Variants in PAH observed in about 807,000 individuals in gnomAD.
PAH encodes phenylalanine-4-hydroxylase.
A neutral mutation model predicts 62.0 loss-of-function variants in PAH; 64 were observed. The ratio of observed to expected loss-of-function variants is 1.03; its 90% CI spans 0.84 to 1.27. The LOEUF (loss-of-function observed/expected upper bound fraction) is 1.27. PAH is among the 50% of genes most tolerant of loss of function. The pLI, the probability that PAH is intolerant of heterozygous loss-of-function variation, is 0.00. For missense variants in PAH, 579 were observed against 542.8 expected (o/e 1.07, Z -0.66); for synonymous variants, 195 against 196.2 (o/e 0.99, Z 0.05).
In PAH at chr12:102,837,960, A is replaced by G. The variant is rs1249964974; in HGVS notation, c.*1215T>C. Reference sequence around the variant, plus strand: ...AGGTACCCAGAATTTGCTGTTGATGATACTACAGCTGTTCTGAGAACTAAA... The same window carrying G: ...AGGTACCCAGAATTTGCTGTTGATGGTACTACAGCTGTTCTGAGAACTAAA... On this transcript the variant is annotated 3_prime_UTR_variant, in exon 13 of 13. Coordinates refer to ENST00000553106, the MANE Select transcript of PAH (RefSeq NM_000277.3). 6.6e-6 allele frequency: 1 copy of G among 152,262 alleles called. No individual in the cohort carries two copies. Among genetic ancestry groups the G allele is most frequent in the Non-Finnish European group, 1.5e-5 (1 of 68,050 alleles). 9.4% of individuals were successfully genotyped at this position (152,262 alleles called of 1,614,324 possible).
At chr12:102,876,842 G>A (rs1008639720) in intron 4 of PAH, among the ~76,000 whole-genome samples, 4 of 151,356 alleles carry the variant, frequency 2.6e-5, no homozygotes, top group Admixed American at 6.6e-5. Flanking sequence ...GGCCCAGTCC[G>A]TGTTCCTCTT....
chr12:102,858,167 G>T (rs1875531442), intron 5 of PAH, among the ~76,000 whole-genome samples: 1 of 152,074 alleles, frequency 6.6e-6, no homozygotes, highest in Admixed American at 6.6e-5. Context: ...AAAGGCAGGG[G>T]TTGCAATCCT....
At chr12:102,946,108 C>T (rs1268496575) in intron 1 of PAH, 1 of 152,280 alleles carries the variant, frequency 6.6e-6, no homozygotes, top group East Asian at 1.9e-4. Flanking sequence ...CCCTATTCTA[C>T]TGTAGCTGAG....
At chr12:102,903,266 C>A (rs1461329318) in intron 2 of PAH, among the ~76,000 whole-genome samples, 1 of 151,628 alleles carries the variant, frequency 6.6e-6, no homozygotes, top group Admixed American at 6.6e-5. Context: ...GAAGCTGAGG[C>A]AAGAGAGTCT....
At position 102,866,643 on chromosome 12, in the gene PAH, G is replaced by A. The variant is rs1191473722; in HGVS notation, c.462C>T (p.Tyr154=). Residue 154 remains tyrosine, a synonymous_variant, in exon 5 of 13, where the codon TAC becomes TAT. Transcript: ENST00000553106. ...ADHPGFKDPV[Y]RARRKQFADI... ...CAGCAAACTGCTTCCGTCTTGCACG[G>A]TACACAGGATCTTTAAAACCCTAGG... is the stretch of plus-strand genomic sequence containing the variant. 3 of 1,613,654 alleles carry A rather than the reference G, an allele frequency of 1.9e-6. No homozygotes were observed. Among genetic ancestry groups the A allele is most frequent in the Non-Finnish European group, 2.5e-6 (3 of 1,179,636 alleles).
chr12:102,869,760 C>T (rs1286253353), intron 4 of PAH, among the ~76,000 whole-genome samples: 1 of 152,190 alleles, frequency 6.6e-6, no homozygotes, highest in East Asian at 1.9e-4. Flanking sequence ...GCCTGACGCC[C>T]AGCCTCTTGG....
rs186471244 is a variant in PAH, at chr12:102,851,877, C to T, written c.843-121G>A. 1.9e-3 allele frequency: 1,407 copies of T among 748,322 alleles called. 9 individuals carry two copies. Among genetic ancestry groups the T allele is most frequent in the Non-Finnish European group, 1.1e-3 (450 of 423,084 alleles). The allele number at this position is 748,322 out of a possible 1,614,324, so 46.4% of individuals were successfully genotyped here. ...AATAACTCTTTTAGGCTTATGATCC[C>T]TCTCCCAGGAATAAGTGATATGCAG... On this transcript the variant is annotated intron_variant, in intron 7 of 12. Coordinates refer to ENST00000553106, the MANE Select transcript of PAH (RefSeq NM_000277.3).
At chr12:102,844,057 A>G (rs1874718002) in intron 10 of PAH, among the ~76,000 whole-genome samples, 2 of 152,098 alleles carry the variant, frequency 1.3e-5, no homozygotes, top group South Asian at 4.1e-4. Flanking sequence ...ACTTTCTGGC[A>G]TGTGTTTGCA....
At position 102,855,211 on chromosome 12, in the gene PAH, G is replaced by T. The variant is rs62514931; in HGVS notation, c.631C>A (p.Pro211Thr). ...AAGCCACAGTACTTTTCAAGAAGTG[G>T]AAAAATGTGATTGTACTCATAGCAA... is the stretch of plus-strand genomic sequence containing the variant. ...HACYEYNHIF[P>T]LLEKYCGFHE... Residue 211 changes from proline (P) to threonine (T), a missense_variant, in exon 6 of 13, where the codon CCA becomes ACA. Coordinates refer to ENST00000553106, the MANE Select transcript of PAH (RefSeq NM_000277.3). The T allele has an allele frequency of 1.5e-5, 25 of 1,614,030 alleles. No individual in the cohort carries two copies. The highest frequency in any genetic ancestry group is 2.7e-5 in the African/African-American group (2 of 74,920).
rs1463680085 is a variant in PAH, at chr12:102,880,612, T to A, written c.353-3062A>T. ...CTTTCTTGCTGCAACCCCTTCTTAC[T>A]TAGGGGACATTTAGAATGACCAAAG... is the stretch of plus-strand genomic sequence containing the variant. On this transcript the variant is annotated intron_variant, in intron 3 of 12. Transcript: ENST00000553106. 3.3e-5 allele frequency among the ~76,000 whole-genome samples: 5 copies of A among 152,238 alleles called. No homozygotes were observed. The East Asian group carries it at 9.6e-4, about 29-fold the overall frequency.
rs371395498 is a variant in PAH at position 102,839,134 on chromosome 12, C to G, written c.*41G>C. ...ATGAAAGAAATAGTTGGATCTCCAT[C>G]AACAGATTCACAGCTGACAGACCAC... On this transcript the variant is annotated 3_prime_UTR_variant, in exon 13 of 13. Coordinates refer to ENST00000553106, the MANE Select transcript of PAH (RefSeq NM_000277.3). The G allele has an allele frequency of 2.4e-5, 38 of 1,588,036 alleles. No homozygotes were observed. Among genetic ancestry groups the G allele is most frequent in the Non-Finnish European group, 3.2e-5 (37 of 1,156,714 alleles).
At chr12:102,920,687 A>G (rs756987957), upstream of PAH, among the ~76,000 whole-genome samples, 2 of 152,178 alleles carry the variant, frequency 1.3e-5, no homozygotes, top group South Asian at 2.1e-4. Context: ...TTTAGCCTTG[A>G]ACTTGTAAAA....
chr12:102,919,885 G>C (rs1878510918), upstream of PAH, among the ~76,000 whole-genome samples: 1 of 152,050 alleles, frequency 6.6e-6, no homozygotes, highest in Non-Finnish European at 1.5e-5. Context: ...CTTGGCTATT[G>C]TGAACAGTGC....
At chr12:102,847,487 C>T (rs1412059307) in intron 8 of PAH, 1 of 168,220 alleles carries the variant, frequency 5.9e-6, no homozygotes, top group Non-Finnish European at 1.3e-5. Context: ...TTACTGCAGC[C>T]TGCCTTGTGT....
intron 4 of PAH, among the ~76,000 whole-genome samples, chr12:102,867,861 A>ATC: frequency 7.2e-6 from 1 of 138,914 alleles, no homozygotes; most frequent in African/African-American, 2.5e-5. Context: ...ATGTATATAC[A>ATC]TATATAGATG....
intron 1 of PAH, among the ~76,000 whole-genome samples, chr12:102,928,111 C>G (rs1024796005): frequency 1.3e-5 from 2 of 152,112 alleles, no homozygotes; most frequent in Admixed American, 6.6e-5. Flanking sequence ...TCACTTGATA[C>G]TTTCTACAGT....
intron 1 of PAH, among the ~76,000 whole-genome samples, chr12:102,936,202 T>C (rs1879093357): frequency 6.6e-6 from 1 of 152,118 alleles, no homozygotes; most frequent in Non-Finnish European, 1.5e-5. Context: ...CCAAAATTCC[T>C]CCTGTTATTG....
chr12:102,903,929 T>TCAGG (rs1877869109), intron 2 of PAH, among the ~76,000 whole-genome samples: 1 of 152,184 alleles, frequency 6.6e-6, no homozygotes, highest in African/African-American at 2.4e-5. Flanking sequence ...CTAAGCCACT[T>TCAGG]ACAGTAAAGA....
upstream of PAH, among the ~76,000 whole-genome samples, chr12:102,951,759 T>C (rs1443203162): frequency 6.6e-6 from 1 of 152,078 alleles, no homozygotes; most frequent in East Asian, 1.9e-4. Flanking sequence ...CTGTAGGGCA[T>C]TTTTCCCCCT....
Sources: allele counts gnomAD v4.1 joint callset (sites outside exome capture counted in the v4.1 genomes callset), GRCh38; gene constraint gnomAD v4.1.1; transcripts MANE v1.5; gene names NCBI Gene and HGNC (gene_info 2026-07-23, HGNC 2026-07-21).